The following C17orf78 variants were observed in gnomAD, a reference collection of about 807,000 sequenced individuals.
The protein encoded by C17orf78 is uncharacterized protein C17orf78.
Under a neutral mutation model 31.8 loss-of-function variants are expected in C17orf78, and 27 were observed. The ratio of observed to expected loss-of-function variants is 0.85; its 90% CI spans 0.63 to 1.17. C17orf78 has a LOEUF of 1.17. Ranked by LOEUF, C17orf78 falls within the 50% of genes most tolerant of loss-of-function variation. The pLI is 0.00. For synonymous variants in C17orf78, 106 were observed against 115.1 expected, an observed-to-expected ratio of 0.92 and a Z score of 0.51; for missense variants, 258 against 315.2, an observed-to-expected ratio of 0.82 and a Z score of 1.37.
At chr17:37,390,280 T>C (rs868259078) in intron 6 of C17orf78, among the ~76,000 whole-genome samples, 55 of 65,046 alleles carry the variant, frequency 8.5e-4, no homozygotes, top group African/African-American at 4.0e-3. Flanking sequence ...TAATATATTA[T>C]ATATAATTAT....
In C17orf78 at chr17:37,386,507, G is replaced by A. The variant is rs140227023; in HGVS notation, c.508+382G>A. ...CTTGAGAGGCTGAGAAAGAAGAATCGCTTGAACCCAAGAGGTGGAGGCTGC... is the reference window on the plus strand; with the variant it reads ...CTTGAGAGGCTGAGAAAGAAGAATCACTTGAACCCAAGAGGTGGAGGCTGC... On this transcript the variant is annotated intron_variant, in intron 4 of 6. Coordinates refer to ENST00000615133, the MANE Select transcript of C17orf78 (RefSeq NM_173625.5). Among the ~76,000 whole-genome samples, 7 of 152,166 alleles carry A rather than the reference G, an allele frequency of 4.6e-5. No homozygotes were observed. The East Asian group carries it at 1.4e-3, about 29-fold the overall frequency.
intron 6 of C17orf78, among the ~76,000 whole-genome samples, chr17:37,390,304 T>TTATATATATATATATATATATATATATA (rs1189193698): frequency 1.7e-4 from 3 of 17,976 alleles, no homozygotes; most frequent in Admixed American, 1.3e-3. Flanking sequence ...TTATACATAA[T>TTATATATATATATATATATATATATATA]TATATATATA....
Position 37,388,752 on chromosome 17 carries a change from A to T in C17orf78, c.591A>T (p.Gly197=). ...TTGCTGTCACCCTGTTGCTCAGTGGAGTTGCCATTATAGTATTTGTAATTT... is the reference window on the plus strand; with the variant it reads ...TTGCTGTCACCCTGTTGCTCAGTGGTGTTGCCATTATAGTATTTGTAATTT... ...ILIAVTLLLS[G]VAIIVFVIFE... Residue 197 remains glycine (G), a synonymous_variant, in exon 5 of 7, where the codon GGA becomes GGT. Coordinates refer to ENST00000615133, the MANE Select transcript of C17orf78 (RefSeq NM_173625.5). The T allele has an allele frequency of 1.2e-6, 2 of 1,613,028 alleles. No homozygotes were observed. The highest frequency in any genetic ancestry group is 1.7e-6 in the Non-Finnish European group (2 of 1,179,470).
intron 6 of C17orf78, among the ~76,000 whole-genome samples, chr17:37,390,173 T>TACACACACAC (rs1345364710): frequency 2.2e-5 from 1 of 44,972 alleles, no homozygotes; most frequent in African/African-American, 1.1e-4. Context: ...TATATATATA[T>TACACACACAC]ATACACACAC....
intron 3 of C17orf78, among the ~76,000 whole-genome samples, chr17:37,380,515 C>T (rs182218924): frequency 3.4e-4 from 51 of 152,172 alleles, no homozygotes; most frequent in Middle Eastern, 3.4e-3. Context: ...CTCTAAGATC[C>T]CTTCTAGCCC....
chr17:37,390,304 T>TTTTATATATATATATATATA (rs1201500381), intron 6 of C17orf78, among the ~76,000 whole-genome samples: 3 of 17,988 alleles, frequency 1.7e-4, no homozygotes, highest in African/African-American at 7.6e-4. Flanking sequence ...TTATACATAA[T>TTTTATATATATATATATATA]TATATATATA....
chr17:37,382,216 G>A (rs1046817029), intron 3 of C17orf78, among the ~76,000 whole-genome samples: 1 of 151,984 alleles, frequency 6.6e-6, no homozygotes, highest in African/African-American at 2.4e-5. Flanking sequence ...CCTCACTAGA[G>A]GTTGGTTCCA....
chr17:37,382,357 GT>G (rs569313234), intron 3 of C17orf78, among the ~76,000 whole-genome samples: 1,987 of 145,594 alleles, frequency 0.014, 44 homozygotes, highest in African/African-American at 0.045. Context: ...TTTTCATATA[GT>G]TTTTTTTTTT....
intron 3 of C17orf78, among the ~76,000 whole-genome samples, chr17:37,384,706 G>T (rs2147767682): frequency 6.6e-6 from 1 of 152,076 alleles, no homozygotes; most frequent in Middle Eastern, 3.4e-3. Context: ...TTTTTCTTTT[G>T]AACTTGTTGA....
rs2050900420 is a variant in C17orf78 at position 37,391,900 on chromosome 17, A to G, written c.*176A>G. ...TTAGCAGAGTTACCCTCATGCCCCT[A>G]TCTGAGCCACAACCTTCTGTAATTC... is the stretch of plus-strand genomic sequence containing the variant. On this transcript the variant is annotated 3_prime_UTR_variant, in exon 7 of 7. Coordinates refer to ENST00000615133, the MANE Select transcript of C17orf78 (RefSeq NM_173625.5). The G allele has an allele frequency of 6.5e-6, 4 of 617,682 alleles. No individual in the cohort carries two copies. The highest frequency in any genetic ancestry group is 8.6e-6 in the Non-Finnish European group (3 of 349,506). The allele number at this position is 617,682 out of a possible 1,614,324, so 38.3% of individuals were successfully genotyped here. A position where few individuals can be genotyped will look rare whatever the true frequency, so the allele number is the denominator to read the frequency against.
intron 3 of C17orf78, 73 bp downstream of exon 3, chr17:37,379,455 T>C (rs535763462): frequency 6.7e-7 from 1 of 1,494,128 alleles, no homozygotes; most frequent in South Asian, 1.3e-5. Flanking sequence ...CAGAACTCCG[T>C]AGCAGGAAAA....
At chr17:37,382,121 T>G (rs1195061057) in intron 3 of C17orf78, among the ~76,000 whole-genome samples, 2 of 152,206 alleles carry the variant, frequency 1.3e-5, no homozygotes, top group African/African-American at 4.8e-5. Context: ...TACCTGCAAT[T>G]TATCAATAAG....
At position 37,376,106 on chromosome 17, in the gene C17orf78, T is replaced by C. The variant is rs563108684; in HGVS notation, c.14T>C (p.Leu5Ser). Residue 5 changes from leucine (L) to serine (S), a missense_variant, in exon 1 of 7, where the codon TTG becomes TCG. Transcript: ENST00000615133. ...GCTCAAGCTAACATGGATACCATCTTGGTCTTCAGCCTAATCATTGCATCC... is the reference window on the plus strand; with the variant it reads ...GCTCAAGCTAACATGGATACCATCTCGGTCTTCAGCCTAATCATTGCATCC... MDTI[L>S]VFSLIIASYD... The C allele has an allele frequency of 5.6e-6, 9 of 1,613,098 alleles. No homozygotes were observed. In the East Asian group the frequency reaches 1.6e-4, roughly 28 times the overall value.
rs768461363 is a variant in C17orf78 at position 37,391,610 on chromosome 17, T to A, written c.751-37T>A. The A allele has an allele frequency of 2.3e-5, 36 of 1,585,042 alleles. 1 individual carries two copies. The highest frequency in any genetic ancestry group is 4.4e-5 in the South Asian group (4 of 90,518). ...GTACATGAAGAACTATACACTTGCA[T>A]CCTTTTTTAACTTTCATATTTCCTT... On this transcript the variant is annotated intron_variant, in intron 6 of 6. Coordinates refer to ENST00000615133, the MANE Select transcript of C17orf78 (RefSeq NM_173625.5).
chr17:37,389,309 G>A lies in C17orf78; in HGVS notation c.697G>A (p.Gly233Arg), dbSNP rs2050685120. The A allele has an allele frequency of 1.3e-6, 2 of 1,598,872 alleles. No homozygotes were observed. Among genetic ancestry groups the A allele is most frequent in the South Asian group, 1.1e-5 (1 of 87,894 alleles). ...GTGGTTGTGGAGATGGCAAAAGAAGGGAGGCCAGCCACCTGGGACAGCTGA... is the reference window on the plus strand; with the variant it reads ...GTGGTTGTGGAGATGGCAAAAGAAGAGAGGCCAGCCACCTGGGACAGCTGA... ...CQWLWRWQKK[G>R]GQPPGTAESK... Residue 233 changes from glycine (G) to arginine (R), a missense_variant, in exon 6 of 7, where the codon GGA becomes AGA. Physicochemically the swap from Gly to Arg is moderately radical, Grantham distance 125. Transcript: ENST00000615133.
chr17:37,391,712 G>A lies in C17orf78; in HGVS notation c.816G>A (p.Gln272=), dbSNP rs1317001057. 1 of 1,613,716 alleles carries A rather than the reference G, an allele frequency of 6.2e-7. No individual in the cohort carries two copies. The change falls in exon 7 of 7, where the codon CAG becomes CAA. Residue 272 remains glutamine (Q), a synonymous_variant. Coordinates refer to ENST00000615133, the MANE Select transcript of C17orf78 (RefSeq NM_173625.5). ...CTGCAGAGATCACTGTTATCCACCA[G>A]ACATACTTCTGAAAAGTTCTGCTCT... is the stretch of plus-strand genomic sequence containing the variant. ...KKAAEITVIH[Q]TYF is the part of the protein sequence containing the mutation.
At chr17:37,377,631 T>A (rs1054957608) in intron 1 of C17orf78, among the ~76,000 whole-genome samples, 8 of 151,344 alleles carry the variant, frequency 5.3e-5, no homozygotes, top group African/African-American at 1.9e-4. Flanking sequence ...CTGCACTCCA[T>A]CCTGGGCGAC....
In C17orf78 at chr17:37,391,554, G is replaced by A. The variant is rs2050886651; in HGVS notation, c.751-93G>A. 1.7e-5 allele frequency: 18 copies of A among 1,080,510 alleles called. No individual in the cohort carries two copies. The South Asian group carries it at 2.3e-4, about 14-fold the overall frequency. 66.9% of individuals were successfully genotyped at this position (1,080,510 alleles called of 1,614,324 possible). A position where few individuals can be genotyped will look rare whatever the true frequency, so the allele number is the denominator to read the frequency against. On this transcript the variant is annotated intron_variant, in intron 6 of 6. Coordinates refer to ENST00000615133, the MANE Select transcript of C17orf78 (RefSeq NM_173625.5). ...AAATGAAGTGCACTTGGAATTACATGGGGTTTTGTACTTAGCCAGCCCTTT... is the reference window on the plus strand; with the variant it reads ...AAATGAAGTGCACTTGGAATTACATAGGGTTTTGTACTTAGCCAGCCCTTT...
chr17:37,381,741 C>T (rs371973212), intron 3 of C17orf78, among the ~76,000 whole-genome samples: 2 of 151,088 alleles, frequency 1.3e-5, no homozygotes, highest in Non-Finnish European at 2.9e-5. Context: ...CATTCTCCTG[C>T]CTCAGCCTCC....
Sources: allele counts gnomAD v4.1 joint callset (sites outside exome capture counted in the v4.1 genomes callset), GRCh38; gene constraint gnomAD v4.1.1; transcripts MANE v1.5; gene names NCBI Gene and HGNC (gene_info 2026-07-23, HGNC 2026-07-21).